The following KLHL1 variants were observed in gnomAD, a reference collection of about 807,000 sequenced individuals.
The protein encoded by KLHL1 is kelch-like protein 1.
A neutral mutation model predicts 77.7 loss-of-function variants in KLHL1; 47 were observed. The observed-to-expected ratio is 0.60, with a 90% confidence interval of 0.48 to 0.77. The LOEUF (loss-of-function observed/expected upper bound fraction) is 0.77. KLHL1 is among the 30% of genes least tolerant of loss of function. The probability of loss-of-function intolerance (pLI) is 0.00; values close to 1 mark genes in which losing one functional copy is unlikely to be tolerated. For missense variants in KLHL1, 925 were observed against 910.8 expected (o/e 1.02, Z -0.20); for synonymous variants, 360 against 325.2 (o/e 1.11, Z -1.15).
chr13:69,948,421 A>G (rs1233698544), intron 3 of KLHL1, among the ~76,000 whole-genome samples: 2 of 152,046 alleles, frequency 1.3e-5, no homozygotes, highest in Non-Finnish European at 2.9e-5. Flanking sequence ...AAAGGGGTGA[A>G]ACACAAATAA....
intron 1 of KLHL1, among the ~76,000 whole-genome samples, chr13:69,997,226 T>C (rs1885178230): frequency 6.6e-6 from 1 of 151,690 alleles, no homozygotes; most frequent in Non-Finnish European, 1.5e-5. Flanking sequence ...GTCTCAAAAA[T>C]AAATGAATAA....
At chr13:69,816,515 T>G (rs1423192954) in intron 6 of KLHL1, among the ~76,000 whole-genome samples, 1 of 152,046 alleles carries the variant, frequency 6.6e-6, no homozygotes, top group Non-Finnish European at 1.5e-5. Flanking sequence ...TCCACCCGCC[T>G]AGGCCTCCTA....
intron 1 of KLHL1, among the ~76,000 whole-genome samples, chr13:70,001,621 A>G (rs1566488344): frequency 6.6e-6 from 1 of 150,998 alleles, no homozygotes; most frequent in East Asian, 2.0e-4. Flanking sequence ...CTATCTACCT[A>G]TCATCTTTCT....
chr13:69,927,023 T>G (rs1882840731), intron 4 of KLHL1, among the ~76,000 whole-genome samples: 1 of 143,624 alleles, frequency 7.0e-6, no homozygotes, highest in Non-Finnish European at 1.5e-5. Flanking sequence ...TGATTTACAG[T>G]AAAACAAGAG....
At chr13:69,820,792 T>G in intron 6 of KLHL1, among the ~76,000 whole-genome samples, 1 of 152,202 alleles carries the variant, frequency 6.6e-6, no homozygotes, top group Non-Finnish European at 1.5e-5. Flanking sequence ...ATTGCAAACT[T>G]GCACAGAAAC....
chr13:70,057,645 G>A (rs1043565828), intron 1 of KLHL1, among the ~76,000 whole-genome samples: 8 of 149,626 alleles, frequency 5.3e-5, no homozygotes, highest in Non-Finnish European at 8.9e-5. Context: ...GTGCGGTGGC[G>A]GGCGCCTGTA....
chr13:69,719,219 A>AGAGC, intron 9 of KLHL1, 150 bp downstream of exon 9: 6 of 499,368 alleles, frequency 1.2e-5, no homozygotes, highest in Middle Eastern at 5.2e-4. Flanking sequence ...TGAGAGAGAG[A>AGAGC]GAGAGAGAGA....
At chr13:69,811,282 T>C (rs1024294807) in intron 6 of KLHL1, among the ~76,000 whole-genome samples, 1 of 152,050 alleles carries the variant, frequency 6.6e-6, no homozygotes, top group Admixed American at 6.5e-5. Flanking sequence ...TTCATCACAA[T>C]TAAGTAGGTT....
chr13:69,876,651 A>AAC (rs112038205), intron 5 of KLHL1, among the ~76,000 whole-genome samples: 2 of 152,066 alleles, frequency 1.3e-5, no homozygotes, highest in East Asian at 1.9e-4. Context: ...AACACTCACA[A>AAC]ACACACACAC....
At chr13:70,057,707 C>T (rs1455283367) in intron 1 of KLHL1, among the ~76,000 whole-genome samples, 2 of 126,904 alleles carry the variant, frequency 1.6e-5, no homozygotes, top group African/African-American at 2.9e-5. Context: ...ACCCGGGAAG[C>T]GGAGCTTGCA....
intron 4 of KLHL1, among the ~76,000 whole-genome samples, chr13:69,921,505 A>G (rs926382960): frequency 6.6e-6 from 1 of 152,166 alleles, no homozygotes; most frequent in East Asian, 1.9e-4. Context: ...GATCCATGCA[A>G]TCAATCTTTC....
chr13:69,859,881 T>C (rs1424313), intron 5 of KLHL1, among the ~76,000 whole-genome samples: 48,497 of 151,944 alleles, frequency 0.32, 8,260 homozygotes, highest in African/African-American at 0.45. Flanking sequence ...CATTATCACA[T>C]TGTAAGCGTA....
chr13:69,981,559 G>A (rs17086108), intron 1 of KLHL1, among the ~76,000 whole-genome samples: 23,112 of 151,828 alleles, frequency 0.15, 3,745 homozygotes, highest in African/African-American at 0.41. Flanking sequence ...ATTTGTTTGA[G>A]CCCAGTAAAC....
At chr13:69,821,558 G>A (rs764006672) in intron 6 of KLHL1, among the ~76,000 whole-genome samples, 106 of 151,892 alleles carry the variant, frequency 7.0e-4, no homozygotes, top group Admixed American at 3.3e-4. Flanking sequence ...CAGCTGATCC[G>A]CCCTCCTTGG....
At chr13:69,706,956 C>T (rs1875655767) in intron 10 of KLHL1, among the ~76,000 whole-genome samples, 1 of 151,902 alleles carries the variant, frequency 6.6e-6, no homozygotes, top group East Asian at 1.9e-4. Flanking sequence ...TCCTGAGTCT[C>T]TAACTACAGT....
intron 1 of KLHL1, among the ~76,000 whole-genome samples, chr13:70,016,757 G>A (rs1885669506): frequency 6.6e-6 from 1 of 152,178 alleles, no homozygotes; most frequent in Non-Finnish European, 1.5e-5. Flanking sequence ...CGGGTCCCAG[G>A]TGAAGCTCAC....
intron 3 of KLHL1, among the ~76,000 whole-genome samples, chr13:69,941,519 A>T (rs143308789): frequency 6.6e-6 from 1 of 152,208 alleles, no homozygotes; most frequent in Admixed American, 6.6e-5. Flanking sequence ...AAAGAGCACA[A>T]ATAGAGAATC....
At chr13:69,790,788 G>A (rs758878126) in intron 7 of KLHL1, among the ~76,000 whole-genome samples, 3 of 151,978 alleles carry the variant, frequency 2.0e-5, no homozygotes, top group Non-Finnish European at 2.9e-5. Context: ...GGTGGCTCAC[G>A]CTTGTAATCC....
chr13:69,947,283 G>C (rs1320195135), intron 3 of KLHL1, among the ~76,000 whole-genome samples: 1 of 152,006 alleles, frequency 6.6e-6, no homozygotes, highest in Non-Finnish European at 1.5e-5. Context: ...ATTCCACATA[G>C]TTTGGCTTGG....
Sources: allele counts gnomAD v4.1 joint callset (sites outside exome capture counted in the v4.1 genomes callset), GRCh38; gene constraint gnomAD v4.1.1; transcripts MANE v1.5; gene names NCBI Gene and HGNC (gene_info 2026-07-23, HGNC 2026-07-21).